Variants in CELA3A observed in about 807,000 individuals in gnomAD.
CELA3A encodes chymotrypsin like elastase 3A.
In CELA3A, 35 loss-of-function variants were observed where a neutral mutation model predicts 38.6. The observed-to-expected ratio is 0.91, with a 90% CI of 0.69 to 1.20. The LOEUF is 1.20. Ranked by LOEUF, CELA3A falls within the 50% of genes most tolerant of loss-of-function variation. The pLI is 0.00. For missense variants in CELA3A, 343 were observed against 354.2 expected, an observed-to-expected ratio of 0.97 and a Z score of 0.25; for synonymous variants, 143 against 136.7, an observed-to-expected ratio of 1.05 and a Z score of -0.32.
chr1:22,005,538 G>C lies in CELA3A; in HGVS notation c.221G>C (p.Cys74Ser). The C allele has an allele frequency of 1.2e-6, 2 of 1,612,920 alleles. No individual in the cohort carries two copies. The highest frequency in any genetic ancestry group is 1.7e-6 in the Non-Finnish European group (2 of 1,179,568). The change falls in exon 3 of 8, where the codon TGC becomes TCC. Residue 74 changes from cysteine (C) to serine (S), a missense_variant. Coordinates refer to ENST00000290122, the MANE Select transcript of CELA3A (RefSeq NM_005747.5). ...APDWVVTAGH[C>S]ISRDLTYQVV... ...GATTGGGTTGTGACTGCCGGCCACTGCATCTCGTGAGTTCTCTACCCTGTC... is the reference window on the plus strand; with the variant it reads ...GATTGGGTTGTGACTGCCGGCCACTCCATCTCGTGAGTTCTCTACCCTGTC...
At chr1:22,008,464 G>GAA (rs34543555) in intron 6 of CELA3A, among the ~76,000 whole-genome samples, 6 of 149,200 alleles carry the variant, frequency 4.0e-5, no homozygotes, top group East Asian at 2.0e-4. Flanking sequence ...CCTTGTCTAA[G>GAA]AAAAAAAAAC....
intron 7 of CELA3A, chr1:22,010,979 A>T (rs946954852): frequency 6.6e-6 from 1 of 151,176 alleles, no homozygotes; most frequent in African/African-American, 2.4e-5. Flanking sequence ...ATAAAATAAA[A>T]CAGTAGTGCT....
rs551319462 is a variant in CELA3A, at chr1:22,011,736, G to A, written c.796-714G>A. ...GATTGTGCCACTGCCCTCCAGCCTC[G>A]GTGACAGAGCAAGACTCTGTCTTAA... On this transcript the variant is annotated intron_variant, in intron 7 of 7. Coordinates refer to ENST00000290122, the MANE Select transcript of CELA3A (RefSeq NM_005747.5). Among the ~76,000 whole-genome samples, 14 of 123,402 alleles carry A rather than the reference G, an allele frequency of 1.1e-4. 4 individuals are homozygous for A. The highest frequency in any genetic ancestry group is 3.7e-4 in the Admixed American group (4 of 10,902). The allele number at this position is 123,402 out of a possible 152,430, so 81.0% of individuals were successfully genotyped here.
In CELA3A at chr1:22,011,388, AAAAC is replaced by A. The variant is rs376879864; in HGVS notation, c.796-1046_796-1043del. On this transcript the variant is annotated intron_variant, in intron 7 of 7. Transcript: ENST00000290122. ...AGAGCAAGACTCCATCTCAAAAACA[AAAAC>A]AAACAAACAAACAAAAAAACAGTGA... Among the ~76,000 whole-genome samples, 108 of 137,170 alleles carry A rather than the reference AAAAC, an allele frequency of 7.9e-4. 4 individuals carry two copies. The East Asian group carries it at 0.021, about 27-fold the overall frequency. The allele number at this position is 137,170 out of a possible 152,430, so 90.0% of individuals were successfully genotyped here.
chr1:22,010,210 C>T, intron 7 of CELA3A: 1 of 380,978 alleles, frequency 2.6e-6, no homozygotes. Context: ...GAGAACGATG[C>T]AGTCTGATGA....
chr1:22,004,296 C>A (rs926777994), intron 2 of CELA3A, among the ~76,000 whole-genome samples: 8 of 151,030 alleles, frequency 5.3e-5, no homozygotes, highest in Admixed American at 2.6e-4. Context: ...TTGCCTCGAA[C>A]TTCTGAGCTC....
chr1:22,006,704 G>A (rs1253043649), intron 4 of CELA3A, among the ~76,000 whole-genome samples, 174 bp from the exon 5 acceptor site: 2 of 124,414 alleles, frequency 1.6e-5, no homozygotes, highest in Admixed American at 8.7e-5. Context: ...GCAACAGACC[G>A]AGACTCTGTC....
chr1:22,003,302 C>T (rs1326286822), intron 2 of CELA3A, among the ~76,000 whole-genome samples: 5 of 151,050 alleles, frequency 3.3e-5, no homozygotes, highest in East Asian at 1.9e-4. Context: ...AAATTGGAAT[C>T]GGGGGTGAAG....
In CELA3A at chr1:22,006,992, C is replaced by G. The variant is rs759475296; in HGVS notation, c.477C>G (p.Ile159Met). 6.2e-7 allele frequency: 1 copy of G among 1,612,524 alleles called. No homozygotes were observed. ...TTCCCAACAAGACACCCTGCTACAT[C>G]ACCGGCTGGGGCCGTCTCTATAGTA... ...DILPNKTPCY[I>M]TGWGRLYTNG... Residue 159 changes from isoleucine (I) to methionine (M), a missense_variant, in exon 5 of 8, where the codon ATC becomes ATG. By Grantham distance (10) the Ile-to-Met change is conservative. Transcript: ENST00000290122.
intron 6 of CELA3A, 47 bp from the exon 7 acceptor site, chr1:22,009,658 A>C: frequency 6.3e-7 from 1 of 1,592,610 alleles, no homozygotes; most frequent in South Asian, 1.1e-5. Flanking sequence ...CCAGTTCCGT[A>C]AACCTCAGAC....
chr1:22,007,850 C>T (rs12746090), intron 6 of CELA3A, among the ~76,000 whole-genome samples: 27,078 of 151,056 alleles, frequency 0.18, 3,662 homozygotes, highest in East Asian at 0.39. Flanking sequence ...TATAATTAAC[C>T]ATTAAGAATA....
intron 6 of CELA3A, 95 bp from the exon 7 acceptor site, chr1:22,009,610 G>A: frequency 1.3e-6 from 2 of 1,486,160 alleles, no homozygotes; most frequent in Non-Finnish European, 9.1e-7. Context: ...GAGGTGTCAA[G>A]TAATGTCAGA....
chr1:22,004,023 A>G (rs1644934131), intron 2 of CELA3A, among the ~76,000 whole-genome samples: 1 of 149,828 alleles, frequency 6.7e-6, no homozygotes, highest in Non-Finnish European at 1.5e-5. Context: ...TTACATTAAA[A>G]ATGTTAACAA....
Position 22,007,515 on chromosome 1 carries a change from C to T in CELA3A, c.642C>T (p.Asn214=), listed in dbSNP as rs878887027. 20 of 1,608,902 alleles carry T rather than the reference C, an allele frequency of 1.2e-5. 1 individual carries two copies. Among genetic ancestry groups the T allele is most frequent in the East Asian group, 6.7e-5 (3 of 44,618 alleles). Residue 214 remains asparagine, a splice_region_variant and synonymous_variant, in exon 6 of 8, where the codon AAC becomes AAT. Transcript: ENST00000290122. ...GAGGGTACATCCGCTCCGGCTGCAA[C>T]GTGAGTCAGCTCTTACCTGCCCGAG... ...CAGGYIRSGC[N]GDSGGPLNCP...
chr1:22,007,516 G>T lies in CELA3A; in HGVS notation c.642+1G>T. ...AGGGTACATCCGCTCCGGCTGCAAC[G>T]TGAGTCAGCTCTTACCTGCCCGAGG... On this transcript the variant is annotated splice_donor_variant, in intron 6 of 7. Coordinates refer to ENST00000290122, the MANE Select transcript of CELA3A (RefSeq NM_005747.5). LOFTEE classifies it high-confidence loss of function. 1 of 1,609,264 alleles carries T rather than the reference G, an allele frequency of 6.2e-7. No homozygotes were observed.
In CELA3A at chr1:22,009,964, C is replaced by T. The variant is rs550102829; in HGVS notation, c.795+107C>T. 198 of 1,482,302 alleles carry T rather than the reference C, an allele frequency of 1.3e-4. 2 individuals are homozygous for T. The South Asian group carries it at 2.5e-3, about 19-fold the overall frequency. The allele number at this position is 1,482,302 out of a possible 1,614,324, so 91.8% of individuals were successfully genotyped here. A position where few individuals can be genotyped will look rare whatever the true frequency, so the allele number is the denominator to read the frequency against. ...GGAGGGCCTGAAAGGATCCTAGAAG[C>T]TCAGTGGGGAAGGGCCCTTGGGGAC... On this transcript the variant is annotated intron_variant, in intron 7 of 7. Transcript: ENST00000290122.
intron 2 of CELA3A, among the ~76,000 whole-genome samples, chr1:22,004,886 G>T (rs1490824920): frequency 6.6e-6 from 1 of 151,230 alleles, no homozygotes. Context: ...GATCACCTGA[G>T]GTGAGGAGCT....
intron 7 of CELA3A, 120 bp downstream of exon 7, chr1:22,009,977 G>C: frequency 2.1e-6 from 3 of 1,419,580 alleles, no homozygotes; most frequent in Non-Finnish European, 2.8e-6. Context: ...AGTGGGGAAG[G>C]GCCCTTGGGG....
At chr1:22,002,501 T>A (rs1259553760) in intron 1 of CELA3A, 1 of 454,740 alleles carries the variant, frequency 2.2e-6, no homozygotes, top group Non-Finnish European at 4.4e-6. Flanking sequence ...CCTGGCTACT[T>A]TATTTTATTG....
Sources: allele counts gnomAD v4.1 joint callset (sites outside exome capture counted in the v4.1 genomes callset), GRCh38; gene constraint gnomAD v4.1.1; transcripts MANE v1.5; gene names NCBI Gene and HGNC (gene_info 2026-07-23, HGNC 2026-07-21).